IGF2BP2: variants seen among roughly 807,000 people sequenced by gnomAD.
The protein encoded by IGF2BP2 is insulin-like growth factor 2 mRNA-binding protein 2.
IGF2BP2 carries 17 observed loss-of-function variants against 75.8 expected under a neutral mutation model. The observed-to-expected ratio is 0.22, with a 90% CI of 0.15 to 0.34. The LOEUF is 0.34. Among genes scored for constraint, IGF2BP2 ranks in the 10% least tolerant of loss-of-function variants. IGF2BP2 has a pLI of 1.00. For synonymous variants in IGF2BP2, 288 were observed against 295.6 expected (o/e 0.97, Z 0.26); for missense variants, 516 against 772.4 (o/e 0.67, Z 3.93).
At chr3:185,745,511 T>G (rs1730140401) in intron 2 of IGF2BP2, among the ~76,000 whole-genome samples, 1 of 152,078 alleles carries the variant, frequency 6.6e-6, no homozygotes, top group African/African-American at 2.4e-5. Flanking sequence ...CCCCCAGAGG[T>G]GGCTGGGAAA....
intron 2 of IGF2BP2, among the ~76,000 whole-genome samples, chr3:185,714,653 T>G (rs2149434290): frequency 6.6e-6 from 1 of 152,286 alleles, no homozygotes. Context: ...TTTTCATATA[T>G]TAAAGAACCT....
At chr3:185,713,335 C>T in intron 2 of IGF2BP2, 1 of 492,464 alleles carries the variant, frequency 2.0e-6, no homozygotes, top group Admixed American at 2.1e-5. Context: ...AGCCCATTTT[C>T]ACATTTTTAA....
intron 7 of IGF2BP2, among the ~76,000 whole-genome samples, chr3:185,684,277 CTG>C (rs1720799064): frequency 1.3e-5 from 2 of 152,344 alleles, no homozygotes; most frequent in South Asian, 4.1e-4. Flanking sequence ...CTTCAGGGCT[CTG>C]TCACCTACAC....
At chr3:185,710,018 G>T (rs1724574660) in intron 2 of IGF2BP2, among the ~76,000 whole-genome samples, 1 of 152,108 alleles carries the variant, frequency 6.6e-6, no homozygotes, top group African/African-American at 2.4e-5. Context: ...AGGTGTTGGG[G>T]TACAGTAGTG....
In IGF2BP2 at chr3:185,644,949, ACTTTATT is replaced by A. The variant is rs1011142978; in HGVS notation, c.*575_*581del. 6.6e-6 allele frequency: 1 copy of A among 152,428 alleles called. No homozygotes were observed. The highest frequency in any genetic ancestry group is 2.4e-5 in the African/African-American group (1 of 41,436). The allele number at this position is 152,428 out of a possible 1,614,324, so 9.4% of individuals were successfully genotyped here. On this transcript the variant is annotated 3_prime_UTR_variant, in exon 16 of 16. Coordinates refer to ENST00000382199, the MANE Select transcript of IGF2BP2 (RefSeq NM_006548.6). Reference sequence around the variant, plus strand: ...CTCTACACCGTGAGACCTCCCAAAGACTTTATTCTTTAAAGTCTAGAAAAGCCTGCTT... The same window carrying A: ...CTCTACACCGTGAGACCTCCCAAAGACTTTAAAGTCTAGAAAAGCCTGCTT...
chr3:185,814,578 T>G (rs1740351800), intron 2 of IGF2BP2, among the ~76,000 whole-genome samples: 1 of 152,204 alleles, frequency 6.6e-6, no homozygotes, highest in Non-Finnish European at 1.5e-5. Context: ...GTAATAAAAA[T>G]GTCTTTCCTG....
chr3:185,713,681 T>C (rs1725161572), intron 2 of IGF2BP2, among the ~76,000 whole-genome samples: 1 of 152,220 alleles, frequency 6.6e-6, no homozygotes, highest in South Asian at 2.1e-4. Flanking sequence ...ATTTATATTT[T>C]AGAAGTAAGT....
At chr3:185,780,558 A>G (rs1380664585) in intron 2 of IGF2BP2, among the ~76,000 whole-genome samples, 2 of 152,162 alleles carry the variant, frequency 1.3e-5, no homozygotes, top group Admixed American at 6.5e-5. Context: ...TACTGCGTAT[A>G]TTCTGCGCTA....
chr3:185,649,537 G>A lies in IGF2BP2; in HGVS notation c.1462-3C>T. 2 of 1,614,042 alleles carry A rather than the reference G, an allele frequency of 1.2e-6. No homozygotes were observed. Among genetic ancestry groups the A allele is most frequent in the Non-Finnish European group, 8.5e-7 (1 of 1,179,944 alleles). On this transcript the variant is annotated splice_polypyrimidine_tract_variant and splice_region_variant and intron_variant, in intron 13 of 15. Coordinates refer to ENST00000382199, the MANE Select transcript of IGF2BP2 (RefSeq NM_006548.6). ...TTCCCAAAGATCCGTCCCTGGGCCT[G>A]AGAGAGCAAGACATGACTAATGACT...
intron 10 of IGF2BP2, among the ~76,000 whole-genome samples, chr3:185,662,361 C>A (rs1577860916): frequency 6.6e-6 from 1 of 151,794 alleles, no homozygotes; most frequent in Non-Finnish European, 1.5e-5. Context: ...ATCTGTAGTT[C>A]CAGCTACTTG....
At chr3:185,800,395 T>C (rs749529376) in intron 2 of IGF2BP2, among the ~76,000 whole-genome samples, 7 of 152,122 alleles carry the variant, frequency 4.6e-5, no homozygotes, top group African/African-American at 1.2e-4. Context: ...AACCTGCACA[T>C]TGTGCACATG....
At chr3:185,731,246 CTTTTTT>C (rs760172663) in intron 2 of IGF2BP2, among the ~76,000 whole-genome samples, 1 of 129,254 alleles carries the variant, frequency 7.7e-6, no homozygotes, top group East Asian at 2.3e-4. Flanking sequence ...GCATCACTTT[CTTTTTT>C]TTTTTTTTTT....
chr3:185,663,804 T>C (rs1716861432), intron 10 of IGF2BP2, among the ~76,000 whole-genome samples: 2 of 152,368 alleles, frequency 1.3e-5, no homozygotes, highest in African/African-American at 4.8e-5. Context: ...TTACAATGAT[T>C]GATTTGCATA....
intron 2 of IGF2BP2, among the ~76,000 whole-genome samples, chr3:185,719,303 T>G (rs1176678433): frequency 6.6e-6 from 1 of 152,178 alleles, no homozygotes; most frequent in Non-Finnish European, 1.5e-5. Flanking sequence ...TGTAAGACAC[T>G]GCATATCTTT....
At position 185,647,066 on chromosome 3, in the gene IGF2BP2, C is replaced by T; in HGVS notation, c.1666G>A (p.Glu556Lys). 2 of 1,614,136 alleles carry T rather than the reference C, an allele frequency of 1.2e-6. No homozygotes were observed. Among genetic ancestry groups the T allele is most frequent in the Non-Finnish European group, 1.7e-6 (2 of 1,179,984 alleles). ...PRDQTPDENE[E>K]VIVRIIGHFF... ...TGCCCGATAATTCTGACGATCACTT[C>T]CTCATTTTCATCTGGCGTTTGGTCA... The change falls in exon 15 of 16, where the codon GAA becomes AAA. Residue 556 changes from glutamate to lysine, a missense_variant. Glu to Lys is a moderately conservative substitution (Grantham distance 56). Transcript: ENST00000382199. This position sits in a 1 kb window ranked among gnomAD's most constrained non-coding sequence, Gnocchi z 4.9.
intron 10 of IGF2BP2, among the ~76,000 whole-genome samples, chr3:185,665,374 AAGGAGGAGG>A (rs1246928288): frequency 3.5e-5 from 2 of 57,128 alleles, no homozygotes; most frequent in East Asian, 1.4e-3. Flanking sequence ...GGAGGAGGAG[AAGGAGGAGG>A]AGGAGAAGGA....
chr3:185,818,838 A>G (rs1360390578), intron 2 of IGF2BP2, among the ~76,000 whole-genome samples: 1 of 152,202 alleles, frequency 6.6e-6, no homozygotes, highest in Admixed American at 6.5e-5. Context: ...CCTTTTATGC[A>G]TAATTCAAAA....
intron 12 of IGF2BP2, among the ~76,000 whole-genome samples, chr3:185,656,692 C>G (rs577151843): frequency 4.5e-4 from 69 of 152,342 alleles, no homozygotes; most frequent in African/African-American, 1.6e-3. Flanking sequence ...TTCAGCTTCT[C>G]TGATGATTCT....
chr3:185,820,807 G>A (rs2150064974), intron 2 of IGF2BP2, among the ~76,000 whole-genome samples: 1 of 152,286 alleles, frequency 6.6e-6, no homozygotes, highest in Middle Eastern at 3.4e-3. Flanking sequence ...GCACTCAATT[G>A]TTGAATGATT....
Sources: allele counts gnomAD v4.1 joint callset (sites outside exome capture counted in the v4.1 genomes callset), GRCh38; gene constraint gnomAD v4.1.1; non-coding constraint Gnocchi (gnomAD v3.1); transcripts MANE v1.5; gene names NCBI Gene and HGNC (gene_info 2026-07-23, HGNC 2026-07-21).